The following PPP2R1B variants were observed in gnomAD, a reference collection of about 807,000 sequenced individuals.
PPP2R1B encodes protein phosphatase 2 scaffold subunit Abeta.
In PPP2R1B, 58 loss-of-function variants were observed where a neutral mutation model predicts 72.7. That is an observed-to-expected ratio of 0.80 (90% CI 0.65 to 0.99). The LOEUF (loss-of-function observed/expected upper bound fraction) is 0.99. PPP2R1B is among the 50% of genes least tolerant of loss of function. The pLI, the probability that PPP2R1B is intolerant of heterozygous loss-of-function variation, is 0.00. For missense variants in PPP2R1B, 695 were observed against 733.6 expected (o/e 0.95, Z 0.61); for synonymous variants, 256 against 264.6 (o/e 0.97, Z 0.32).
chr11:111,744,712 C>A (rs1944643388), intron 11 of PPP2R1B, among the ~76,000 whole-genome samples: 1 of 152,188 alleles, frequency 6.6e-6, no homozygotes, highest in African/African-American at 2.4e-5. Flanking sequence ...ATCCAAGCCA[C>A]AGTCCCAGTC....
In PPP2R1B at chr11:111,742,043, A is replaced by G; in HGVS notation, c.1789+10T>C. 6.2e-7 allele frequency: 1 copy of G among 1,604,720 alleles called. No homozygotes were observed. The highest frequency in any genetic ancestry group is 2.2e-5 in the East Asian group (1 of 44,824). On this transcript the variant is annotated intron_variant, in intron 14 of 14. Coordinates refer to ENST00000527614, the MANE Select transcript of PPP2R1B (RefSeq NM_002716.5). The stretch of plus-strand genomic sequence containing the variant: ...GCATAAGCTGCAAGGCAAAAGAAGG[A>G]AATACATACCACTTATAGCTTCCTG...
intron 14 of PPP2R1B, 107 bp from the exon 15 acceptor site, chr11:111,741,719 T>C: frequency 8.0e-7 from 1 of 1,256,826 alleles, no homozygotes; most frequent in Non-Finnish European, 1.1e-6. Context: ...AACTAACAAC[T>C]TCTCACTGTG....
chr11:111,764,876 A>G lies in PPP2R1B; in HGVS notation c.235T>C (p.Leu79=), dbSNP rs782205036. 6.2e-7 allele frequency: 1 copy of G among 1,614,104 alleles called. No individual in the cohort carries two copies. Among genetic ancestry groups the G allele is most frequent in the Admixed American group, 1.7e-5 (1 of 60,030 alleles). Residue 79 remains leucine, a synonymous_variant, in exon 3 of 15, where the codon TTA becomes CTA. Coordinates refer to ENST00000527614, the MANE Select transcript of PPP2R1B (RefSeq NM_002716.5). Reference sequence around the variant, plus strand: ...TTTCCCAGCTGCTCAGCAAGAGCTAATAGTACCTCATCTTCATCATAAATT... The same window carrying G: ...TTTCCCAGCTGCTCAGCAAGAGCTAGTAGTACCTCATCTTCATCATAAATT... ...DTIYDEDEVL[L]ALAEQLGNFT... is the part of the protein sequence containing the mutation.
the PPP2R1B span, chr11:111,721,058 C>T: frequency 6.2e-7 from 1 of 1,612,722 alleles, no homozygotes; most frequent in Non-Finnish European, 8.5e-7. Flanking sequence ...AGCAGCTGCC[C>T]TCAGGTGGGT....
chr11:111,715,201 C>T, the PPP2R1B span, among the ~76,000 whole-genome samples: 1 of 152,236 alleles, frequency 6.6e-6, no homozygotes, highest in African/African-American at 2.4e-5. Flanking sequence ...TCAGTCAGGC[C>T]ATAGACATCC....
At chr11:111,723,869 C>G (rs781242994), downstream of PPP2R1B, 8 of 1,613,658 alleles carry the variant, frequency 5.0e-6, no homozygotes, top group South Asian at 5.5e-5. Flanking sequence ...TGCCCCAGCC[C>G]CCTTACAGTT....
At position 111,738,878 on chromosome 11, in the gene PPP2R1B, ATGTTTGTGTGTGTG is replaced by A. The variant is rs1944422345; in HGVS notation, c.*2704_*2717del. On this transcript the variant is annotated 3_prime_UTR_variant, in exon 15 of 15. Transcript: ENST00000527614. ...AGACATTTTTATTGGCATAGGTTATATGTTTGTGTGTGTGTGTGTGTGTGTGTGTGTGTGTGTGT... is the reference window on the plus strand; with the variant it reads ...AGACATTTTTATTGGCATAGGTTATATGTGTGTGTGTGTGTGTGTGTGTGT... 1.1e-6 allele frequency: 1 copy of A among 911,846 alleles called. No individual in the cohort carries two copies. The highest frequency in any genetic ancestry group is 9.4e-5 in the Admixed American group (1 of 10,684). 56.5% of individuals were successfully genotyped at this position (911,846 alleles called of 1,614,324 possible).
chr11:111,761,185 T>C (rs782140970), intron 3 of PPP2R1B, 134 bp from the exon 4 acceptor site: 1 of 808,676 alleles, frequency 1.2e-6, no homozygotes, highest in South Asian at 1.5e-5. Context: ...ACCAAATGGT[T>C]ACTTTCAGCT....
At chr11:111,742,334 A>G in intron 13 of PPP2R1B, 189 bp downstream of exon 13, 1 of 777,258 alleles carries the variant, frequency 1.3e-6, no homozygotes, top group Non-Finnish European at 2.0e-6. Context: ...GGATCTACAC[A>G]TTTACAGAGC....
the PPP2R1B span, among the ~76,000 whole-genome samples, chr11:111,700,410 A>G: frequency 2.0e-5 from 3 of 152,232 alleles, no homozygotes; most frequent in African/African-American, 7.2e-5. Flanking sequence ...CACTGCACTC[A>G]GTTGCCTTCA....
rs782116394 is a variant in PPP2R1B at position 111,755,065 on chromosome 11, G to T, written c.873C>A (p.Thr291=). The stretch of plus-strand genomic sequence containing the variant: ...GAAAGGCGGGGATGAGGTCATTTAG[G>T]GTGATTTTAGGACCCATGGCTTTCT... ...ELQKAMGPKI[T]LNDLIPAFQN... is the part of the protein sequence containing the mutation. The change falls in exon 7 of 15, where the codon ACC becomes ACA. Residue 291 remains threonine (T), a synonymous_variant. Transcript: ENST00000527614. 1.9e-6 allele frequency: 3 copies of T among 1,613,556 alleles called. No homozygotes were observed. In the South Asian group the frequency reaches 3.3e-5, roughly 18 times the overall value.
intron 13 of PPP2R1B, 102 bp from the exon 14 acceptor site, chr11:111,742,246 A>T: frequency 1.0e-6 from 1 of 971,046 alleles, no homozygotes; most frequent in Admixed American, 2.6e-5. Flanking sequence ...TAAAGTAAAA[A>T]AATAAAGACA....
In PPP2R1B at chr11:111,744,859, T is replaced by C. The variant is rs372824746; in HGVS notation, c.1400-1329A>G. On this transcript the variant is annotated intron_variant, in intron 11 of 14. Transcript: ENST00000527614. ...TACAACTGATTATCAACACTTAAAC[T>C]GACAGTCTACAGGAGAAGCAACCTT... is the stretch of plus-strand genomic sequence containing the variant. 3.2e-4 allele frequency among the ~76,000 whole-genome samples: 49 copies of C among 152,232 alleles called. 2 individuals are homozygous for C. In the East Asian group the frequency reaches 8.7e-3, roughly 27 times the overall value.
downstream of PPP2R1B, chr11:111,722,840 C>A: frequency 7.9e-7 from 1 of 1,267,272 alleles, no homozygotes; most frequent in South Asian, 1.3e-5. This position sits in a 1 kb window ranked among gnomAD's most constrained non-coding sequence, Gnocchi z 4.4. Flanking sequence ...TTTCCTCTCA[C>A]ATTCGCCACT....
In PPP2R1B at chr11:111,738,951, A is replaced by C. The variant is rs1944428832; in HGVS notation, c.*2645T>G. The C allele has an allele frequency of 2.7e-5, 27 of 985,336 alleles. No homozygotes were observed. In the Middle Eastern group the frequency reaches 2.6e-3, roughly 95 times the overall value. The allele number at this position is 985,336 out of a possible 1,614,324, so 61.0% of individuals were successfully genotyped here. The stretch of plus-strand genomic sequence containing the variant: ...CTGCTTCATTTTTCTAATCAAACAA[A>C]CAACTGATGTAAGCTGCCAAGGATG... On this transcript the variant is annotated 3_prime_UTR_variant, in exon 15 of 15. Transcript: ENST00000527614.
At chr11:111,701,666 T>A in the PPP2R1B span, 4 of 1,488,526 alleles carry the variant, frequency 2.7e-6, no homozygotes, top group Non-Finnish European at 3.6e-6. This position sits in a 1 kb window ranked among gnomAD's most constrained non-coding sequence, Gnocchi z 4.2. Flanking sequence ...TTCTAAGAGT[T>A]TGGGTGCCAA....
At chr11:111,725,938 A>G (rs1265757739), downstream of PPP2R1B, 1 of 152,242 alleles carries the variant, frequency 6.6e-6, no homozygotes, top group Non-Finnish European at 1.5e-5. Flanking sequence ...TTGTGATTTA[A>G]TAACACACAG....
Position 111,738,135 on chromosome 11 carries a change from T to C in PPP2R1B, c.*3461A>G. 2 of 987,576 alleles carry C rather than the reference T, an allele frequency of 2.0e-6. No individual in the cohort carries two copies. The highest frequency in any genetic ancestry group is 2.4e-6 in the Non-Finnish European group (2 of 831,192). 61.2% of individuals were successfully genotyped at this position (987,576 alleles called of 1,614,324 possible). On this transcript the variant is annotated 3_prime_UTR_variant, in exon 15 of 15. Coordinates refer to ENST00000527614, the MANE Select transcript of PPP2R1B (RefSeq NM_002716.5). ...AGGAACTGGATGGAAACAGGAATAC[T>C]GGAGAATCAAAGGGAAACAGTTACA...
intron 1 of PPP2R1B, chr11:111,765,994 A>C: frequency 1.7e-6 from 1 of 578,140 alleles, no homozygotes; most frequent in South Asian, 1.6e-5. Flanking sequence ...GTTCCCCGAC[A>C]ACCGCCCGGG....
Sources: allele counts gnomAD v4.1 joint callset (sites outside exome capture counted in the v4.1 genomes callset), GRCh38; gene constraint gnomAD v4.1.1; non-coding constraint Gnocchi (gnomAD v3.1); transcripts MANE v1.5; gene names NCBI Gene and HGNC (gene_info 2026-07-23, HGNC 2026-07-21).